Variants in PTCHD4 observed in about 807,000 individuals in gnomAD.
PTCHD4 encodes the protein patched domain-containing protein 4.
Under a neutral mutation model 58.1 loss-of-function variants are expected in PTCHD4, and 33 were observed. The ratio of observed to expected loss-of-function variants is 0.57; its 90% confidence interval spans 0.43 to 0.76. The LOEUF is 0.76. PTCHD4 is among the 30% of genes least tolerant of loss of function. The pLI is 0.00. For missense variants in PTCHD4, 1,058 were observed against 1,027.1 expected, an observed-to-expected ratio of 1.03 and a Z score of -0.41; for synonymous variants, 478 against 409.6, an observed-to-expected ratio of 1.17 and a Z score of -2.02.
intron 4 of PTCHD4, among the ~76,000 whole-genome samples, chr6:47,958,006 A>T (rs1355058238): frequency 6.6e-6 from 1 of 152,182 alleles, no homozygotes; most frequent in Non-Finnish European, 1.5e-5. Flanking sequence ...AAAGCATATT[A>T]TGCAGAATTC....
chr6:47,890,776 A>T (rs866488016), intron 4 of PTCHD4: 47 of 437,984 alleles, frequency 1.1e-4, no homozygotes, highest in Non-Finnish European at 1.3e-4. Flanking sequence ...TGGTGCTGCC[A>T]AAAGATGAAG....
chr6:48,058,715 A>C (rs1486663484), intron 3 of PTCHD4, among the ~76,000 whole-genome samples: 1 of 152,240 alleles, frequency 6.6e-6, no homozygotes, highest in African/African-American at 2.4e-5. Flanking sequence ...ATAAAAATAC[A>C]ATCTTGAAAA....
At chr6:48,043,411 T>G (rs1034526565) in intron 3 of PTCHD4, among the ~76,000 whole-genome samples, 24 of 151,878 alleles carry the variant, frequency 1.6e-4, no homozygotes, top group African/African-American at 5.8e-4. Context: ...ATTATTTTTA[T>G]GCTGAAAGGC....
At chr6:48,039,280 G>A (rs756992970) in intron 3 of PTCHD4, among the ~76,000 whole-genome samples, 29 of 152,164 alleles carry the variant, frequency 1.9e-4, no homozygotes, top group Non-Finnish European at 2.8e-4. Flanking sequence ...GGTTGAGTCC[G>A]ATTAGCAAGG....
chr6:48,008,947 G>A lies in PTCHD4; in HGVS notation c.585C>T (p.Phe195=). The A allele has an allele frequency of 3.1e-6, 5 of 1,613,974 alleles. No individual in the cohort carries two copies. Among genetic ancestry groups the A allele is most frequent in the Non-Finnish European group, 4.2e-6 (5 of 1,179,888 alleles). ...DLIGEKWENE[F]CKLIRKLQEE... ...CCTGGAGCTTCCTTATAAGCTTACA[G>A]AACTCATTCTCCCACTTCTCCCCTA... The change falls in exon 4 of 5, where the codon TTC becomes TTT. Residue 195 remains phenylalanine (F), a synonymous_variant. Coordinates refer to ENST00000339488, the MANE Select transcript of PTCHD4 (RefSeq NM_001384253.1).
At chr6:48,041,093 A>G (rs1465230132) in intron 3 of PTCHD4, among the ~76,000 whole-genome samples, 1 of 152,096 alleles carries the variant, frequency 6.6e-6, no homozygotes, top group African/African-American at 2.4e-5. Context: ...TTTGGATTAC[A>G]GTGAGATGAG....
chr6:48,075,869 G>A (rs2113888591), intron 1 of PTCHD4, among the ~76,000 whole-genome samples: 1 of 152,308 alleles, frequency 6.6e-6, no homozygotes, highest in Non-Finnish European at 1.5e-5. Flanking sequence ...TCAGGGTGAT[G>A]GTTGCTGAAG....
At chr6:47,975,703 C>A (rs564222452) in intron 4 of PTCHD4, among the ~76,000 whole-genome samples, 1 of 152,268 alleles carries the variant, frequency 6.6e-6, no homozygotes, top group East Asian at 1.9e-4. Flanking sequence ...TTTAGTAAAT[C>A]TAGTAATATT....
intron 4 of PTCHD4, chr6:47,901,818 A>C (rs1581850866): frequency 7.8e-7 from 1 of 1,287,322 alleles, no homozygotes. Flanking sequence ...GAGTCTTCAC[A>C]TATAATCTTC....
At chr6:48,010,437 C>T (rs962964661) in intron 3 of PTCHD4, among the ~76,000 whole-genome samples, 1 of 152,074 alleles carries the variant, frequency 6.6e-6, no homozygotes, top group African/African-American at 2.4e-5. Flanking sequence ...TTAGCTCAGA[C>T]ACTTATATCT....
chr6:47,879,379 C>T lies in PTCHD4; in HGVS notation c.1456G>A (p.Ala486Thr). Residue 486 changes from alanine (A) to threonine (T), a missense_variant, in exon 5 of 5, where the codon GCC becomes ACC. Physicochemically the swap from Ala to Thr is moderately conservative, Grantham distance 58 (BLOSUM62 0). Coordinates refer to ENST00000339488, the MANE Select transcript of PTCHD4 (RefSeq NM_001384253.1). ...FMGCLQISDG[A>T]NIINLLASDS... ...CTGGCTAGTAGATTGATGATGTTGGCTCCGTCACTGATCTGTAAGCACCCC... is the reference window on the plus strand; with the variant it reads ...CTGGCTAGTAGATTGATGATGTTGGTTCCGTCACTGATCTGTAAGCACCCC... 6.2e-7 allele frequency: 1 copy of T among 1,613,606 alleles called. No homozygotes were observed. The highest frequency in any genetic ancestry group is 1.1e-5 in the South Asian group (1 of 91,058).
At chr6:48,052,485 T>G (rs535149398) in intron 3 of PTCHD4, among the ~76,000 whole-genome samples, 4 of 152,084 alleles carry the variant, frequency 2.6e-5, no homozygotes, top group African/African-American at 9.6e-5. Context: ...CTAAGGAAAT[T>G]TAGATATAAC....
intron 1 of PTCHD4, among the ~76,000 whole-genome samples, chr6:48,082,343 G>C (rs1765183154): frequency 6.6e-6 from 1 of 152,064 alleles, no homozygotes. Context: ...TGGCCTATTT[G>C]GTCAAAAGAA....
At chr6:47,895,166 A>G (rs891058538) in intron 4 of PTCHD4, among the ~76,000 whole-genome samples, 2 of 152,060 alleles carry the variant, frequency 1.3e-5, no homozygotes, top group African/African-American at 4.8e-5. Context: ...AATAATAAAA[A>G]CAGTCAAATG....
chr6:48,006,947 A>G (rs1316268555), intron 4 of PTCHD4, among the ~76,000 whole-genome samples: 1 of 152,230 alleles, frequency 6.6e-6, no homozygotes, highest in East Asian at 1.9e-4. Context: ...GAGGTTTAAG[A>G]AGGTGAACTA....
At chr6:47,945,745 T>C (rs1766391927) in intron 4 of PTCHD4, among the ~76,000 whole-genome samples, 1 of 151,840 alleles carries the variant, frequency 6.6e-6, no homozygotes, top group Admixed American at 6.6e-5. Context: ...TGTTTTCCTA[T>C]CTATGAAAAT....
At chr6:47,972,067 G>A (rs748426617) in intron 4 of PTCHD4, among the ~76,000 whole-genome samples, 75 of 152,264 alleles carry the variant, frequency 4.9e-4, no homozygotes, top group Non-Finnish European at 8.7e-4. Flanking sequence ...TCATATTAAT[G>A]TGAGCACTGA....
At chr6:47,923,847 C>T (rs1561959510) in intron 4 of PTCHD4, among the ~76,000 whole-genome samples, 1 of 152,104 alleles carries the variant, frequency 6.6e-6, no homozygotes, top group Non-Finnish European at 1.5e-5. Context: ...TGACGAATGT[C>T]ACCTCAGTTC....
intron 3 of PTCHD4, among the ~76,000 whole-genome samples, chr6:48,065,245 A>C (rs2113874462): frequency 6.6e-6 from 1 of 152,264 alleles, no homozygotes; most frequent in South Asian, 2.1e-4. Flanking sequence ...TTTAATGTCA[A>C]GTAATTGCCA....
Sources: gnomAD v4.1 joint callset for allele counts (sites outside exome capture counted in the v4.1 genomes callset) on GRCh38, gnomAD v4.1.1 for gene constraint, MANE v1.5 for transcripts, NCBI Gene and HGNC (gene_info 2026-07-23, HGNC 2026-07-21) for gene names.